Variants in SLC9A2 observed in about 807,000 individuals in gnomAD.
SLC9A2 encodes the protein sodium/hydrogen exchanger 2.
A neutral mutation model predicts 71.7 loss-of-function variants in SLC9A2; 42 were observed. The observed-to-expected ratio is 0.59, with a 90% CI of 0.46 to 0.76. The LOEUF (loss-of-function observed/expected upper bound fraction) is 0.76. Ranked by LOEUF, SLC9A2 falls within the 30% of genes least tolerant of loss-of-function variation. The pLI, the probability that SLC9A2 is intolerant of heterozygous loss-of-function variation, is 0.00. For missense variants in SLC9A2, 829 were observed against 1,017.4 expected (o/e 0.81, Z 2.52); for synonymous variants, 396 against 392.5 (o/e 1.01, Z -0.10).
chr2:102,703,896 C>T (rs1359342918), intron 9 of SLC9A2, among the ~76,000 whole-genome samples: 1 of 152,012 alleles, frequency 6.6e-6, no homozygotes, highest in Non-Finnish European at 1.5e-5. Flanking sequence ...CATGTAACAA[C>T]CCAGTTGAAA....
intron 2 of SLC9A2, among the ~76,000 whole-genome samples, chr2:102,661,088 G>A (rs976044963): frequency 3.3e-5 from 5 of 152,144 alleles, no homozygotes; most frequent in Admixed American, 6.5e-5. Context: ...AGTAACTAGA[G>A]ACATGACAAT....
intron 2 of SLC9A2, 111 bp from the exon 3 acceptor site, chr2:102,664,989 G>T (rs567937130): frequency 6.3e-6 from 7 of 1,114,238 alleles, no homozygotes; most frequent in Non-Finnish European, 7.7e-6. Flanking sequence ...TCCTACTTGG[G>T]TACACAGAAG....
intron 3 of SLC9A2, among the ~76,000 whole-genome samples, chr2:102,680,503 G>A (rs114959068): frequency 0.019 from 2,957 of 152,124 alleles, 104 homozygotes; most frequent in African/African-American, 0.068. Context: ...GCTGGAGGAG[G>A]TTCCAGGATT....
intron 9 of SLC9A2, among the ~76,000 whole-genome samples, chr2:102,704,104 G>A (rs1271259656): frequency 6.6e-6 from 1 of 152,136 alleles, no homozygotes; most frequent in African/African-American, 2.4e-5. Flanking sequence ...ATCAATCATT[G>A]TTCTCATTTA....
chr2:102,658,732 T>G (rs1269700225), intron 2 of SLC9A2, among the ~76,000 whole-genome samples: 1 of 152,020 alleles, frequency 6.6e-6, no homozygotes, highest in Non-Finnish European at 1.5e-5. Flanking sequence ...GTTAGCAGAA[T>G]TTACTTCTAC....
intron 7 of SLC9A2, among the ~76,000 whole-genome samples, chr2:102,698,528 A>G (rs1677809859): frequency 6.6e-6 from 1 of 152,216 alleles, no homozygotes; most frequent in African/African-American, 2.4e-5. Context: ...TGCATGAGTC[A>G]AGAGGCTGAT....
At chr2:102,682,334 A>G (rs1677468441) in intron 3 of SLC9A2, among the ~76,000 whole-genome samples, 1 of 152,216 alleles carries the variant, frequency 6.6e-6, no homozygotes, top group Non-Finnish European at 1.5e-5. Context: ...CCATGTGTGT[A>G]GTAAGGCAAG....
At position 102,626,381 on chromosome 2, in the gene SLC9A2, A is replaced by G. The variant is rs185160852; in HGVS notation, c.289+6244A>G. 9.5e-4 allele frequency among the ~76,000 whole-genome samples: 144 copies of G among 152,342 alleles called. 1 individual carries two copies. In the East Asian group the frequency reaches 0.025, roughly 26 times the overall value. ...ACTGGCTAGCCATATTTAGAAAGCCAAAGCTGGATCCCTTCCTTACACCTT... is the reference window on the plus strand; with the variant it reads ...ACTGGCTAGCCATATTTAGAAAGCCGAAGCTGGATCCCTTCCTTACACCTT... On this transcript the variant is annotated intron_variant, in intron 1 of 11. Transcript: ENST00000233969.
intron 5 of SLC9A2, 55 bp from the exon 6 acceptor site, chr2:102,694,359 A>T: frequency 1.5e-6 from 1 of 651,514 alleles, no homozygotes; most frequent in Non-Finnish European, 2.3e-6. Context: ...TATATTAAAC[A>T]ATTTATAAAT....
At chr2:102,624,057 T>A (rs1676196197) in intron 1 of SLC9A2, among the ~76,000 whole-genome samples, 2 of 152,144 alleles carry the variant, frequency 1.3e-5, no homozygotes, top group Non-Finnish European at 2.9e-5. Context: ...AAAATCAACA[T>A]CCTAATTACT....
chr2:102,626,902 CA>C (rs1676260452), intron 1 of SLC9A2, among the ~76,000 whole-genome samples: 2 of 152,136 alleles, frequency 1.3e-5, no homozygotes, highest in Admixed American at 1.3e-4. Flanking sequence ...TCCACTTTAA[CA>C]ATGATAACAA....
rs1238663241 is a variant in SLC9A2 at position 102,708,621 on chromosome 2, C to T, written c.*132C>T. 1 of 1,065,634 alleles carries T rather than the reference C, an allele frequency of 9.4e-7. No homozygotes were observed. The highest frequency in any genetic ancestry group is 2.6e-5 in the Admixed American group (1 of 38,428). 66.0% of individuals were successfully genotyped at this position (1,065,634 alleles called of 1,614,324 possible). On this transcript the variant is annotated 3_prime_UTR_variant, in exon 12 of 12. Transcript: ENST00000233969. ...AAATACTTCTGGAGGGCGACAGATT[C>T]ATGCCACGGATAAATGAGGCAAATC...
rs780046316 is a variant in SLC9A2 at position 102,638,481 on chromosome 2, G to A, written c.289+18344G>A. 5.1e-4 allele frequency among the ~76,000 whole-genome samples: 77 copies of A among 152,326 alleles called. 2 individuals are homozygous for A. The highest frequency in any genetic ancestry group is 3.4e-3 in the Middle Eastern group (1 of 294). On this transcript the variant is annotated intron_variant, in intron 1 of 11. Coordinates refer to ENST00000233969, the MANE Select transcript of SLC9A2 (RefSeq NM_003048.6). ...TTCCCACCTTGAATAAGAAGCACAA[G>A]CCAAAGGGAAGCTGAGCTGGGATTG...
At chr2:102,683,130 T>C (rs1677486633) in intron 3 of SLC9A2, 131 bp from the exon 4 acceptor site, 3 of 690,626 alleles carry the variant, frequency 4.3e-6, no homozygotes, top group African/African-American at 1.8e-5. Flanking sequence ...CATTCACCTA[T>C]AAAAATCATT....
intron 3 of SLC9A2, among the ~76,000 whole-genome samples, chr2:102,675,484 A>G (rs2104533643): frequency 1.3e-5 from 2 of 152,314 alleles, no homozygotes; most frequent in South Asian, 4.2e-4. Flanking sequence ...TAAAGTTTTC[A>G]TGGTACTCTG....
intron 3 of SLC9A2, among the ~76,000 whole-genome samples, chr2:102,667,210 G>T (rs1677158256): frequency 6.6e-6 from 1 of 152,152 alleles, no homozygotes; most frequent in Non-Finnish European, 1.5e-5. Flanking sequence ...CATATCATTT[G>T]TATGACTTCC....
intron 2 of SLC9A2, among the ~76,000 whole-genome samples, chr2:102,663,649 T>C (rs552641822): frequency 2.6e-5 from 4 of 152,330 alleles, no homozygotes; most frequent in Admixed American, 6.5e-5. Context: ...TTTGTGTCAT[T>C]TGACCTTGAA....
intron 2 of SLC9A2, among the ~76,000 whole-genome samples, chr2:102,664,476 C>CACAA (rs67198566): frequency 6.7e-6 from 1 of 149,098 alleles, no homozygotes; most frequent in Non-Finnish European, 1.5e-5. Context: ...CACACACACA[C>CACAA]ATACATATGA....
At chr2:102,645,873 C>T (rs1178080810) in intron 1 of SLC9A2, among the ~76,000 whole-genome samples, 4 of 152,074 alleles carry the variant, frequency 2.6e-5, no homozygotes, top group South Asian at 4.1e-4. Context: ...AGGTGGAAAA[C>T]ACCCTTCATG....
Sources: allele counts gnomAD v4.1 joint callset (sites outside exome capture counted in the v4.1 genomes callset), GRCh38; gene constraint gnomAD v4.1.1; transcripts MANE v1.5; gene names NCBI Gene and HGNC (gene_info 2026-07-23, HGNC 2026-07-21).